Variants in ATP13A3 observed in about 807,000 individuals in gnomAD.
ATP13A3 encodes polyamine-transporting ATPase 13A3.
ATP13A3 carries 59 observed loss-of-function variants against 158.1 expected under a neutral mutation model. The ratio of observed to expected loss-of-function variants is 0.37; its 90% CI spans 0.30 to 0.46. ATP13A3 has a LOEUF of 0.46. Ranked by LOEUF, ATP13A3 falls within the 20% of genes least tolerant of loss-of-function variation. The pLI, the probability that ATP13A3 is intolerant of heterozygous loss-of-function variation, is 1.00. For missense variants in ATP13A3, 1,166 were observed against 1,525.2 expected (o/e 0.76, Z 3.92); for synonymous variants, 491 against 504.3 (o/e 0.97, Z 0.35).
intron 3 of ATP13A3, among the ~76,000 whole-genome samples, chr3:194,461,506 T>C (rs1719660348): frequency 6.6e-6 from 1 of 152,220 alleles, no homozygotes; most frequent in Admixed American, 6.5e-5. Context: ...CCAATACCAC[T>C]GCGACTAATC....
chr3:194,477,952 A>T (rs1720597719), intron 2 of ATP13A3, among the ~76,000 whole-genome samples: 3 of 152,204 alleles, frequency 2.0e-5, no homozygotes, highest in Admixed American at 6.5e-5. Flanking sequence ...TCTTCAGCAG[A>T]CAGAAAGTTC....
intron 2 of ATP13A3, among the ~76,000 whole-genome samples, chr3:194,479,353 T>C (rs1017975590): frequency 6.6e-6 from 1 of 152,198 alleles, no homozygotes; most frequent in Non-Finnish European, 1.5e-5. Flanking sequence ...CATTTGCCTA[T>C]TGTACTTTAC....
rs115697223 is a variant in ATP13A3, at chr3:194,428,952, T to G, written c.2875-35A>C. 5.5e-3 allele frequency: 7,896 copies of G among 1,423,266 alleles called. 385 individuals are homozygous for G. In the African/African-American group the frequency reaches 0.1, roughly 19 times the overall value. 88.2% of individuals were successfully genotyped at this position (1,423,266 alleles called of 1,614,324 possible). On this transcript the variant is annotated intron_variant, in intron 27 of 33. Transcript: ENST00000645319. ...TAATTTTAAAAACATTATTAGTTTT[T>G]GGGAATTATTTTTATAGCGTCCCCA...
At chr3:194,407,766 A>G (rs939875689) in intron 33 of ATP13A3, among the ~76,000 whole-genome samples, 1 of 152,208 alleles carries the variant, frequency 6.6e-6, no homozygotes, top group African/African-American at 2.4e-5. Context: ...AAAGAGAGTT[A>G]TATCAGCATC....
chr3:194,433,613 T>C (rs1717407871), intron 21 of ATP13A3, among the ~76,000 whole-genome samples, 159 bp downstream of exon 21: 1 of 152,222 alleles, frequency 6.6e-6, no homozygotes, highest in Non-Finnish European at 1.5e-5. Flanking sequence ...ATGACAAAGT[T>C]ATCTTGCGCT....
At position 194,448,659 on chromosome 3, in the gene ATP13A3, C is replaced by A. The variant is rs752453305; in HGVS notation, c.971-23G>T. The A allele has an allele frequency of 1.3e-6, 2 of 1,592,156 alleles. No homozygotes were observed. Among genetic ancestry groups the A allele is most frequent in the Admixed American group, 1.8e-5 (1 of 55,408 alleles). ...CTCCTTTAAAAAACAACAACAACAA[C>A]AAAAACAGTTTACAAATTATTAAAC... On this transcript the variant is annotated intron_variant, in intron 11 of 33. Coordinates refer to ENST00000645319, the MANE Select transcript of ATP13A3 (RefSeq NM_001367549.1). This position sits in a 1 kb window ranked among gnomAD's most constrained non-coding sequence, Gnocchi z 4.0.
chr3:194,429,614 C>A, intron 27 of ATP13A3, 64 bp downstream of exon 27: 1 of 1,275,044 alleles, frequency 7.8e-7, no homozygotes, highest in Non-Finnish European at 1.1e-6. Context: ...CAAACACATA[C>A]GCTCAACATC....
intron 33 of ATP13A3, among the ~76,000 whole-genome samples, chr3:194,406,361 T>C (rs1314206974): frequency 6.6e-6 from 1 of 152,152 alleles, no homozygotes; most frequent in Admixed American, 6.5e-5. Flanking sequence ...GCCCAGGAGT[T>C]CGAGACCAGC....
Position 194,430,948 on chromosome 3 carries a change from A to G in ATP13A3, c.2619T>C (p.Asn873=). 2 of 1,609,394 alleles carry G rather than the reference A, an allele frequency of 1.2e-6. No homozygotes were observed. The highest frequency in any genetic ancestry group is 1.3e-5 in the African/African-American group (1 of 74,974). The change falls in exon 24 of 34, where the codon AAT becomes AAC. Residue 873 remains asparagine (N), a synonymous_variant. Coordinates refer to ENST00000645319, the MANE Select transcript of ATP13A3 (RefSeq NM_001367549.1). The part of the protein sequence containing the change: ...QKTQLIEALQ[N]VDYFVGMCGD... ...AAAAAGACACCAATACTTACTCAAC[A>G]TTTTGCAATGCTTCTATCAACTGTG... is the stretch of plus-strand genomic sequence containing the variant.
chr3:194,457,990 T>C (rs1719356506), intron 6 of ATP13A3, among the ~76,000 whole-genome samples: 1 of 152,130 alleles, frequency 6.6e-6, no homozygotes, highest in Admixed American at 6.5e-5. Context: ...TTCACCACGT[T>C]GGCCAGAATG....
chr3:194,450,314 A>G (rs1718716004), intron 10 of ATP13A3, 38 bp from the exon 11 acceptor site: 1 of 1,573,650 alleles, frequency 6.4e-7, no homozygotes, highest in African/African-American at 1.4e-5. Flanking sequence ...TGAAAAAGAT[A>G]TTCTTTACCT....
In ATP13A3 at chr3:194,450,209, T is replaced by C. The variant is rs553241001; in HGVS notation, c.906A>G (p.Thr302=). ...GDVMVIPLNG[T]IMPCDAVLIN... ...TAAGCACAGCATCACAAGGCATTAT[T>C]GTCCCATTTAATGGAATGACCATGA... Residue 302 remains threonine, a synonymous_variant, in exon 11 of 34, where the codon ACA becomes ACG. Transcript: ENST00000645319. 4 of 1,613,774 alleles carry C rather than the reference T, an allele frequency of 2.5e-6. No homozygotes were observed. In the South Asian group the frequency reaches 3.3e-5, roughly 13 times the overall value.
intron 16 of ATP13A3, 114 bp downstream of exon 16, chr3:194,441,197 G>T: frequency 1.2e-6 from 1 of 829,422 alleles, no homozygotes; most frequent in Non-Finnish European, 1.9e-6. Flanking sequence ...TCCTTTTAGG[G>T]TACAAGATAG....
At chr3:194,408,535 T>C (rs1715122031) in intron 33 of ATP13A3, among the ~76,000 whole-genome samples, 1 of 152,180 alleles carries the variant, frequency 6.6e-6, no homozygotes, top group Non-Finnish European at 1.5e-5. Flanking sequence ...GGAAAGTAAG[T>C]CAACCAATAA....
At chr3:194,480,378 A>G (rs1720703551) in intron 2 of ATP13A3, among the ~76,000 whole-genome samples, 1 of 152,178 alleles carries the variant, frequency 6.6e-6, no homozygotes, top group Non-Finnish European at 1.5e-5. Flanking sequence ...TTACATACTC[A>G]TGTTTTCTTA....
rs753083395 is a variant in ATP13A3, at chr3:194,438,966, C to T, written c.1717G>A (p.Glu573Lys). The T allele has an allele frequency of 2.5e-6, 4 of 1,574,464 alleles. No homozygotes were observed. Among genetic ancestry groups the T allele is most frequent in the Non-Finnish European group, 3.4e-6 (4 of 1,161,714 alleles). ...GCTGTTTCTTCTTCAGTTGCTTCTT[C>T]CAGAATCTGGAAAAAAAAAAGAGAC... ...KMFEAIGWIL[E>K]EATEEETALH... The change falls in exon 17 of 34, where the codon GAA (glutamate) becomes AAA (lysine). Residue 573 changes from glutamate (E) to lysine (K), a missense_variant. This residue lies in a region of ATP13A3 where 997 missense variants were observed against 1,341.2 expected (regional missense o/e 0.74). Transcript: ENST00000645319.
At chr3:194,449,223 A>G (rs1331056294) in intron 11 of ATP13A3, among the ~76,000 whole-genome samples, 1 of 152,176 alleles carries the variant, frequency 6.6e-6, no homozygotes, top group Non-Finnish European at 1.5e-5. Context: ...TGCTTCAAAG[A>G]AGGCATGTGT....
rs1289147196 is a variant in ATP13A3, at chr3:194,412,194, C to T, written c.3573+5G>A. ...AAGAATTGACAGGAAGTGCTGAGTT[C>T]CAACCTGCGGTGGCTGTGTGGTGCT... On this transcript the variant is annotated splice_donor_5th_base_variant and intron_variant, in intron 33 of 33. Transcript: ENST00000645319. 6.5e-7 allele frequency: 1 copy of T among 1,535,816 alleles called. No individual in the cohort carries two copies. Among genetic ancestry groups the T allele is most frequent in the Non-Finnish European group, 8.7e-7 (1 of 1,146,584 alleles).
At position 194,411,056 on chromosome 3, in the gene ATP13A3, C is replaced by T. The variant is rs377650810; in HGVS notation, c.3573+1143G>A. On this transcript the variant is annotated intron_variant, in intron 33 of 33. Transcript: ENST00000645319. ...ACTACTAGGGACAACTGGTATTACA[C>T]TGCTTTCAGGAAAAAAAAAAACTGA... Among the ~76,000 whole-genome samples the T allele has an allele frequency of 2.3e-3, 294 of 126,558 alleles. 2 individuals are homozygous for T. Among genetic ancestry groups the T allele is most frequent in the African/African-American group, 0.012 (276 of 22,330 alleles). The allele number at this position is 126,558 out of a possible 152,430, so 83.0% of individuals were successfully genotyped here. A position where few individuals can be genotyped will look rare whatever the true frequency, so the allele number is the denominator to read the frequency against.
Sources: gnomAD v4.1 joint callset for allele counts (sites outside exome capture counted in the v4.1 genomes callset) on GRCh38, gnomAD v4.1.1 for gene constraint, gnomAD v4.1.1 regional missense constraint, Gnocchi (gnomAD v3.1) non-coding constraint, MANE v1.5 for transcripts, NCBI Gene and HGNC (gene_info 2026-07-23, HGNC 2026-07-21) for gene names.